The following IPMK variants were observed in gnomAD, a reference collection of about 807,000 sequenced individuals.
IPMK encodes the protein inositol 1,3,4,6-tetrakisphosphate 5-kinase.
In IPMK, 17 loss-of-function variants were observed where a neutral mutation model predicts 45.8. The ratio of observed to expected loss-of-function variants is 0.37; its 90% CI spans 0.25 to 0.56. The LOEUF (loss-of-function observed/expected upper bound fraction) is 0.56, where lower values mean the gene tolerates loss of function less well. Ranked by LOEUF, IPMK falls within the 20% of genes least tolerant of loss-of-function variation. The probability of loss-of-function intolerance (pLI) is 0.79; values close to 1 mark genes in which losing one functional copy is unlikely to be tolerated. For missense variants in IPMK, 399 were observed against 498.0 expected, an observed-to-expected ratio of 0.80 and a Z score of 1.89; for synonymous variants, 180 against 184.3, an observed-to-expected ratio of 0.98 and a Z score of 0.19.
intron 1 of IPMK, among the ~76,000 whole-genome samples, chr10:58,239,371 AAATGAGTAAAG>A (rs1416984328): frequency 3.3e-5 from 5 of 152,210 alleles, no homozygotes; most frequent in Non-Finnish European, 7.3e-5. Flanking sequence ...GTGGGGCTTA[AAATGAGTAAAG>A]AAGCTTTGAT....
chr10:58,210,058 G>A (rs1218437723), intron 4 of IPMK, among the ~76,000 whole-genome samples: 1 of 151,956 alleles, frequency 6.6e-6, no homozygotes, highest in African/African-American at 2.4e-5. Context: ...TGGGGGCAGG[G>A]TTAGGCAGGT....
intron 3 of IPMK, among the ~76,000 whole-genome samples, chr10:58,222,677 A>C (rs1838355130): frequency 6.6e-6 from 1 of 152,160 alleles, no homozygotes; most frequent in Admixed American, 6.6e-5. Flanking sequence ...ATTAATTTAT[A>C]GAAAGTATAT....
At chr10:58,239,231 G>C (rs1464731435) in intron 1 of IPMK, among the ~76,000 whole-genome samples, 2 of 152,170 alleles carry the variant, frequency 1.3e-5, no homozygotes, top group Non-Finnish European at 2.9e-5. Flanking sequence ...TATAAGACTG[G>C]TTGGTAAACA....
rs1839171951 is a variant in IPMK, at chr10:58,267,618, G to A, written c.-7C>T. On this transcript the variant is annotated 5_prime_UTR_variant, in exon 1 of 6. Transcript: ENST00000373935. ...ATGGTGGCTCTGTTGCCATAACGGAGAGCAGAAGCGGTAACGGCAGCGAGA... is the reference window on the plus strand; with the variant it reads ...ATGGTGGCTCTGTTGCCATAACGGAAAGCAGAAGCGGTAACGGCAGCGAGA... The A allele has an allele frequency of 6.3e-7, 1 of 1,579,902 alleles. No homozygotes were observed. The highest frequency in any genetic ancestry group is 1.1e-5 in the South Asian group (1 of 88,552).
chr10:58,211,708 A>G (rs1255469433), intron 4 of IPMK, among the ~76,000 whole-genome samples: 1 of 150,526 alleles, frequency 6.6e-6, no homozygotes, highest in Non-Finnish European at 1.5e-5. Flanking sequence ...GCAACAGTGA[A>G]ACAGTGCACA....
intron 5 of IPMK, among the ~76,000 whole-genome samples, chr10:58,198,912 T>C (rs1283896685): frequency 6.6e-6 from 1 of 152,150 alleles, no homozygotes. Flanking sequence ...CTATGATCTA[T>C]AACGTTTACT....
At position 58,197,644 on chromosome 10, in the gene IPMK, C is replaced by T. The variant is rs150278605; in HGVS notation, c.629-946G>A. Among the ~76,000 whole-genome samples, 628 of 138,114 alleles carry T rather than the reference C, an allele frequency of 4.5e-3. 3 individuals carry two copies. Among genetic ancestry groups the T allele is most frequent in the African/African-American group, 0.017 (598 of 36,216 alleles). The allele number at this position is 138,114 out of a possible 152,430, so 90.6% of individuals were successfully genotyped here. The stretch of plus-strand genomic sequence containing the variant: ...CAGCCTGCGCAACAGAACGAGACTC[C>T]GTCTCAAAAAAAAAAGAAAAGAAAA... On this transcript the variant is annotated intron_variant, in intron 5 of 5. Transcript: ENST00000373935.
chr10:58,220,716 T>A (rs1380831175), intron 3 of IPMK, among the ~76,000 whole-genome samples: 2 of 152,226 alleles, frequency 1.3e-5, no homozygotes, highest in African/African-American at 4.8e-5. Context: ...ATAATTACTG[T>A]CAAGGCACAC....
intron 4 of IPMK, 139 bp from the exon 5 acceptor site, chr10:58,199,460 AG>A: frequency 2.0e-6 from 1 of 510,124 alleles, no homozygotes. Context: ...AAAAAATCGC[AG>A]TTATATCAAT....
At position 58,194,191 on chromosome 10, in the gene IPMK, C is replaced by T. The variant is rs1280721923; in HGVS notation, c.*1885G>A. The T allele has an allele frequency of 6.6e-6, 1 of 151,502 alleles. No individual in the cohort carries two copies. The highest frequency in any genetic ancestry group is 1.5e-5 in the Non-Finnish European group (1 of 67,686). The allele number at this position is 151,502 out of a possible 1,614,324, so 9.4% of individuals were successfully genotyped here. ...GTACATAGGTTGATATCATCCCATA[C>T]AAAAAAAGCCTCAGTATCTTGTTAA... On this transcript the variant is annotated 3_prime_UTR_variant, in exon 6 of 6. Coordinates refer to ENST00000373935, the MANE Select transcript of IPMK (RefSeq NM_152230.5).
chr10:58,263,330 C>A (rs1367825526), intron 1 of IPMK, among the ~76,000 whole-genome samples: 2 of 152,004 alleles, frequency 1.3e-5, no homozygotes, highest in African/African-American at 2.4e-5. Context: ...TCAAGACCAG[C>A]CTGGCCAACA....
rs57335566 is a variant in IPMK at position 58,215,385 on chromosome 10, A to AT, written c.546+759dup. 2.1e-3 allele frequency among the ~76,000 whole-genome samples: 299 copies of AT among 143,930 alleles called. 2 individuals are homozygous for AT. The highest frequency in any genetic ancestry group is 0.01 in the Middle Eastern group (3 of 286). The allele number at this position is 143,930 out of a possible 152,430, so 94.4% of individuals were successfully genotyped here. On this transcript the variant is annotated intron_variant, in intron 4 of 5. Transcript: ENST00000373935. ...CCCCAAAAGTCTGAAACAATTACCTATTTTTTTTTTTTGGTAGGGGGGTGG... is the reference window on the plus strand; with the variant it reads ...CCCCAAAAGTCTGAAACAATTACCTATTTTTTTTTTTTTGGTAGGGGGGTGG...
chr10:58,213,284 T>A (rs1838193188), intron 4 of IPMK, among the ~76,000 whole-genome samples: 1 of 152,246 alleles, frequency 6.6e-6, no homozygotes. Context: ...TAAACATTCA[T>A]GAGTTATGTG....
At position 58,195,876 on chromosome 10, in the gene IPMK, TC is replaced by T. The variant is rs1190205321; in HGVS notation, c.*199del. On this transcript the variant is annotated 3_prime_UTR_variant, in exon 6 of 6. Coordinates refer to ENST00000373935, the MANE Select transcript of IPMK (RefSeq NM_152230.5). The stretch of plus-strand genomic sequence containing the variant: ...GCTTAACATTCCTAAGTTTCTTTAT[TC>T]TTCATAGTTTTCTAATGAACAAATA... 29 of 541,190 alleles carry T rather than the reference TC, an allele frequency of 5.4e-5. No individual in the cohort carries two copies. Among genetic ancestry groups the T allele is most frequent in the Non-Finnish European group, 8.3e-5 (26 of 314,430 alleles). 33.5% of individuals were successfully genotyped at this position (541,190 alleles called of 1,614,324 possible).
chr10:58,235,645 C>T (rs1189874746), intron 2 of IPMK, among the ~76,000 whole-genome samples: 1 of 152,074 alleles, frequency 6.6e-6, no homozygotes, highest in African/African-American at 2.4e-5. Context: ...GGGAACATCA[C>T]GCACCGGGGC....
chr10:58,213,715 A>AG (rs1053780663), intron 4 of IPMK, among the ~76,000 whole-genome samples: 3 of 151,976 alleles, frequency 2.0e-5, no homozygotes, highest in African/African-American at 7.3e-5. Flanking sequence ...AAAAGAAAAA[A>AG]TAGAAATGGG....
At chr10:58,207,243 T>C (rs1036909785) in intron 4 of IPMK, among the ~76,000 whole-genome samples, 2 of 152,250 alleles carry the variant, frequency 1.3e-5, no homozygotes, top group Non-Finnish European at 2.9e-5. Flanking sequence ...GACCTTGTGA[T>C]CCGCCTGCCT....
At chr10:58,259,299 C>A (rs776680073) in intron 1 of IPMK, among the ~76,000 whole-genome samples, 32 of 151,780 alleles carry the variant, frequency 2.1e-4, no homozygotes, top group Non-Finnish European at 4.1e-4. Context: ...TCTTTTTATG[C>A]CAGAAAGTTA....
intron 1 of IPMK, among the ~76,000 whole-genome samples, chr10:58,239,196 A>G (rs1303439345): frequency 6.6e-6 from 1 of 152,176 alleles, no homozygotes; most frequent in African/African-American, 2.4e-5. Flanking sequence ...ATAGAATAGA[A>G]GGTAGGTAAA....
Sources: gnomAD v4.1 joint callset for allele counts (sites outside exome capture counted in the v4.1 genomes callset) on GRCh38, gnomAD v4.1.1 for gene constraint, MANE v1.5 for transcripts, NCBI Gene and HGNC (gene_info 2026-07-23, HGNC 2026-07-21) for gene names.